Variants in PRICKLE2 observed in about 807,000 individuals in gnomAD.
The protein encoded by PRICKLE2 is prickle-like protein 2.
In PRICKLE2, 21 loss-of-function variants were observed where a neutral mutation model predicts 81.4. That is an observed-to-expected ratio of 0.26 (90% confidence interval 0.18 to 0.37). The LOEUF (loss-of-function observed/expected upper bound fraction) is 0.37, where lower values mean the gene tolerates loss of function less well. Ranked by LOEUF, PRICKLE2 falls within the 10% of genes least tolerant of loss-of-function variation. PRICKLE2 has a pLI of 1.00. For missense variants in PRICKLE2, 940 were observed against 1,109.0 expected (o/e 0.85, Z 2.16); for synonymous variants, 456 against 421.5 (o/e 1.08, Z -1.00).
At chr3:64,203,575 T>C (rs2078627892) in intron 1 of PRICKLE2, among the ~76,000 whole-genome samples, 2 of 152,074 alleles carry the variant, frequency 1.3e-5, no homozygotes, top group African/African-American at 4.8e-5. Flanking sequence ...ATGGACATGA[T>C]TTAACGAACT....
At chr3:64,174,739 G>T in intron 2 of PRICKLE2, 2 of 210,466 alleles carry the variant, frequency 9.5e-6, no homozygotes, top group South Asian at 1.8e-4. Context: ...GATAAAGAAT[G>T]AATTTTACAA....
intron 1 of PRICKLE2, among the ~76,000 whole-genome samples, chr3:64,217,162 G>A (rs1575678274): frequency 1.3e-5 from 2 of 152,220 alleles, no homozygotes; most frequent in South Asian, 2.1e-4. Flanking sequence ...TTGTAAAGGA[G>A]GTATTCCTCT....
chr3:64,225,625 C>T (rs1295054254), upstream of PRICKLE2: 7 of 195,896 alleles, frequency 3.6e-5, no homozygotes, highest in East Asian at 1.3e-3. Context: ...GGGAAGGAAG[C>T]CTTTGCTGGA....
At chr3:64,168,455 G>C (rs1054347596) in intron 2 of PRICKLE2, among the ~76,000 whole-genome samples, 1 of 152,116 alleles carries the variant, frequency 6.6e-6, no homozygotes, top group African/African-American at 2.4e-5. Context: ...AGCCATCCTG[G>C]GCTGCATGCA....
At chr3:64,181,596 A>G (rs2078135878) in intron 2 of PRICKLE2, among the ~76,000 whole-genome samples, 1 of 152,174 alleles carries the variant, frequency 6.6e-6, no homozygotes, top group Non-Finnish European at 1.5e-5. Context: ...AACTAGGCAG[A>G]AAATGGATTG....
chr3:64,152,575 C>T (rs1424815094), intron 6 of PRICKLE2, among the ~76,000 whole-genome samples: 3 of 150,444 alleles, frequency 2.0e-5, no homozygotes, highest in Non-Finnish European at 4.4e-5. Context: ...TAAAGACATA[C>T]TTGCCAGAAG....
At chr3:64,186,455 T>C (rs968648633) in intron 2 of PRICKLE2, among the ~76,000 whole-genome samples, 1 of 152,168 alleles carries the variant, frequency 6.6e-6, no homozygotes, top group Non-Finnish European at 1.5e-5. Context: ...CCCAGAAGGA[T>C]AGTTACTCAA....
chr3:64,268,061 G>C (rs1214243634), intron 2 of PRICKLE2: 1 of 152,266 alleles, frequency 6.6e-6, no homozygotes, highest in African/African-American at 2.4e-5. Flanking sequence ...GCCGAAGGGG[G>C]CCCTGCAGGG....
chr3:64,212,975 T>C (rs2078812806), intron 1 of PRICKLE2, among the ~76,000 whole-genome samples: 1 of 152,172 alleles, frequency 6.6e-6, no homozygotes, highest in Non-Finnish European at 1.5e-5. Context: ...AAAGGTGTGC[T>C]GGACTGAGCA....
At chr3:64,232,221 T>A (rs1413151721) in intron 2 of PRICKLE2, among the ~76,000 whole-genome samples, 6 of 152,212 alleles carry the variant, frequency 3.9e-5, no homozygotes, top group African/African-American at 1.4e-4. Flanking sequence ...AACCTCTCTC[T>A]CTTACTAACC....
chr3:64,123,277 CA>C (rs747526299), intron 7 of PRICKLE2, among the ~76,000 whole-genome samples: 13 of 152,206 alleles, frequency 8.5e-5, no homozygotes, highest in Non-Finnish European at 1.8e-4. Context: ...AGCACAACTT[CA>C]GATGACTGTG....
intron 2 of PRICKLE2, 80 bp from the exon 3 acceptor site, chr3:64,163,209 C>CTT: frequency 2.3e-6 from 2 of 871,808 alleles, no homozygotes; most frequent in Non-Finnish European, 4.0e-6. Flanking sequence ...AAGATGATTC[C>CTT]CCCAGCAGGA....
At chr3:64,226,427 A>T (rs1227244259), upstream of PRICKLE2, among the ~76,000 whole-genome samples, 1 of 152,180 alleles carries the variant, frequency 6.6e-6, no homozygotes, top group Non-Finnish European at 1.5e-5. Flanking sequence ...AAGTAACTTA[A>T]CTTGTGGGAT....
At chr3:64,177,933 C>G (rs1447986530) in intron 2 of PRICKLE2, among the ~76,000 whole-genome samples, 1 of 152,200 alleles carries the variant, frequency 6.6e-6, no homozygotes, top group African/African-American at 2.4e-5. Context: ...AGTGGAATTA[C>G]TGGATGATAT....
At position 64,096,007 on chromosome 3, in the gene PRICKLE2, G is replaced by T. The variant is rs2076567080; in HGVS notation, c.*3044C>A. ...CACAGTACCAAGGGTGGTATGGATT[G>T]GCAGAGCCACTCAGGAAACTGTCAA... On this transcript the variant is annotated 3_prime_UTR_variant, in exon 8 of 8. Coordinates refer to ENST00000638394, the MANE Select transcript of PRICKLE2 (RefSeq NM_198859.4). The T allele has an allele frequency of 6.6e-6, 1 of 152,236 alleles. No individual in the cohort carries two copies. The highest frequency in any genetic ancestry group is 1.5e-5 in the Non-Finnish European group (1 of 68,050). The allele number at this position is 152,236 out of a possible 1,614,324, so 9.4% of individuals were successfully genotyped here.
intron 7 of PRICKLE2, among the ~76,000 whole-genome samples, chr3:64,143,920 T>G (rs2107009455): frequency 6.6e-6 from 1 of 151,428 alleles, no homozygotes; most frequent in Admixed American, 6.6e-5. Flanking sequence ...TTCTAAGACA[T>G]CAGGCAAGGC....
chr3:64,151,172 G>A (rs1197231174), intron 6 of PRICKLE2, among the ~76,000 whole-genome samples: 1 of 152,210 alleles, frequency 6.6e-6, no homozygotes, highest in Non-Finnish European at 1.5e-5. Flanking sequence ...ATGGTCAGAG[G>A]TAAAGCACCC....
At chr3:64,148,456 G>A (rs551707686) in intron 6 of PRICKLE2, among the ~76,000 whole-genome samples, 177 of 152,302 alleles carry the variant, frequency 1.2e-3, no homozygotes, top group Non-Finnish European at 2.0e-3. Flanking sequence ...GCATCTCCAG[G>A]ACCTGGAACA....
chr3:64,233,627 G>A (rs893566893), intron 2 of PRICKLE2, among the ~76,000 whole-genome samples: 11 of 152,194 alleles, frequency 7.2e-5, no homozygotes, highest in Admixed American at 2.6e-4. Context: ...CATCCTTCCC[G>A]CATCTTACTA....
Sources: allele counts gnomAD v4.1 joint callset (sites outside exome capture counted in the v4.1 genomes callset), GRCh38; gene constraint gnomAD v4.1.1; transcripts MANE v1.5; gene names NCBI Gene and HGNC (gene_info 2026-07-23, HGNC 2026-07-21).